STYK1: variants seen among roughly 807,000 people sequenced by gnomAD.
STYK1 encodes the protein tyrosine-protein kinase STYK1.
In STYK1, 46 loss-of-function variants were observed where a neutral mutation model predicts 48.1. That is an observed-to-expected ratio of 0.96 (90% confidence interval 0.75 to 1.22). The LOEUF (loss-of-function observed/expected upper bound fraction) is 1.22. Ranked by LOEUF, STYK1 falls within the 50% of genes most tolerant of loss-of-function variation. The probability of loss-of-function intolerance (pLI) is 0.00; values close to 1 mark genes in which losing one functional copy is unlikely to be tolerated. For missense variants in STYK1, 527 were observed against 521.1 expected, an observed-to-expected ratio of 1.01 and a Z score of -0.11; for synonymous variants, 188 against 189.0, an observed-to-expected ratio of 0.99 and a Z score of 0.04.
intron 1 of STYK1, among the ~76,000 whole-genome samples, chr12:10,655,014 T>C (rs112910208): frequency 1.8e-4 from 27 of 152,346 alleles, no homozygotes; most frequent in African/African-American, 6.3e-4. Context: ...CTTTTATCCC[T>C]TCCCTTTCCT....
chr12:10,619,611 TCTC>T lies in STYK1; in HGVS notation c.*530_*532del, dbSNP rs1482874549. ...AACTCAGAGGTTTTTCCGTTATAGT[TCTC>T]CTCCAACCCCACATGTAGGGCTCAG... On this transcript the variant is annotated 3_prime_UTR_variant, in exon 11 of 11. Transcript: ENST00000075503. 12 of 162,014 alleles carry T rather than the reference TCTC, an allele frequency of 7.4e-5. No homozygotes were observed. Among genetic ancestry groups the T allele is most frequent in the Non-Finnish European group, 1.3e-5 (1 of 74,954 alleles). The allele number at this position is 162,014 out of a possible 1,614,324, so 10.0% of individuals were successfully genotyped here. A position where few individuals can be genotyped will look rare whatever the true frequency, so the allele number is the denominator to read the frequency against.
At chr12:10,632,208 A>T (rs1046413104) in intron 4 of STYK1, among the ~76,000 whole-genome samples, 2 of 151,490 alleles carry the variant, frequency 1.3e-5, no homozygotes, top group African/African-American at 4.8e-5. Flanking sequence ...CTTTAAAAAA[A>T]AAACAAAAAA....
intron 1 of STYK1, among the ~76,000 whole-genome samples, chr12:10,671,829 G>C (rs1947894447): frequency 6.6e-6 from 1 of 152,202 alleles, no homozygotes; most frequent in African/African-American, 2.4e-5. Context: ...GTGGGAAATA[G>C]TTTCTGCCAG....
At chr12:10,622,032 A>G (rs1028987921) in intron 9 of STYK1, 60 bp from the exon 10 acceptor site, 3 of 1,458,026 alleles carry the variant, frequency 2.1e-6, no homozygotes, top group Non-Finnish European at 2.9e-6. Context: ...TGTAACTAAC[A>G]CTATTCTTCA....
At chr12:10,662,465 A>G (rs1018253531) in intron 1 of STYK1, among the ~76,000 whole-genome samples, 17 of 152,232 alleles carry the variant, frequency 1.1e-4, no homozygotes, top group African/African-American at 3.6e-4. Context: ...GCATCACTTT[A>G]TACTCCCACC....
chr12:10,663,647 G>GTGATTCCTCCAACTT (rs1565574837), intron 1 of STYK1, among the ~76,000 whole-genome samples: 2 of 131,394 alleles, frequency 1.5e-5, no homozygotes, highest in Non-Finnish European at 3.2e-5. Context: ...ATCATTAAGT[G>GTGATTCCTCCAACTT]TGATTCCTCC....
At chr12:10,638,575 C>A (rs1462279379) in intron 1 of STYK1, among the ~76,000 whole-genome samples, 2 of 152,236 alleles carry the variant, frequency 1.3e-5, no homozygotes, top group Non-Finnish European at 2.9e-5. Context: ...TAGTGTCACA[C>A]TGCATTTAGG....
chr12:10,670,994 G>GTT (rs1402579622), intron 1 of STYK1, among the ~76,000 whole-genome samples: 1 of 84,824 alleles, frequency 1.2e-5, no homozygotes, highest in African/African-American at 4.5e-5. Flanking sequence ...TGAATATATT[G>GTT]ATTTTTTTTT....
chr12:10,640,837 G>A (rs1414124009), intron 1 of STYK1: 1 of 152,152 alleles, frequency 6.6e-6, no homozygotes, highest in Non-Finnish European at 1.5e-5. Flanking sequence ...TGCAAGACAG[G>A]CCCCATAACA....
At chr12:10,653,567 C>T (rs554794948) in intron 1 of STYK1, among the ~76,000 whole-genome samples, 4 of 152,236 alleles carry the variant, frequency 2.6e-5, no homozygotes, top group Middle Eastern at 3.4e-3. Context: ...TTTTCTCTAT[C>T]ATTTTAAGCA....
chr12:10,644,924 G>A (rs1304663854), intron 1 of STYK1, among the ~76,000 whole-genome samples: 2 of 151,984 alleles, frequency 1.3e-5, no homozygotes. Context: ...GTGAATAAGA[G>A]AGAAAGAGGA....
intron 10 of STYK1, among the ~76,000 whole-genome samples, chr12:10,621,225 T>C (rs539959879): frequency 1.3e-5 from 2 of 152,278 alleles, no homozygotes; most frequent in African/African-American, 4.8e-5. Flanking sequence ...TTGAACTTCA[T>C]TGGTAATAAC....
At chr12:10,668,948 T>C (rs1222799345) in intron 1 of STYK1, among the ~76,000 whole-genome samples, 2 of 152,152 alleles carry the variant, frequency 1.3e-5, no homozygotes, top group African/African-American at 4.8e-5. Context: ...TCAGAAAGCA[T>C]GTTGGAGAAC....
chr12:10,661,181 C>T (rs989527529), intron 1 of STYK1, among the ~76,000 whole-genome samples: 4 of 152,124 alleles, frequency 2.6e-5, no homozygotes, highest in Non-Finnish European at 2.9e-5. Flanking sequence ...CATGAGTTTA[C>T]GATCAAAATT....
intron 4 of STYK1, among the ~76,000 whole-genome samples, chr12:10,631,732 T>C (rs1947431682): frequency 6.6e-6 from 1 of 152,210 alleles, no homozygotes; most frequent in Non-Finnish European, 1.5e-5. Flanking sequence ...AAGGTATGGA[T>C]AATTAATCAG....
chr12:10,639,509 G>A (rs1415555032), intron 1 of STYK1, among the ~76,000 whole-genome samples: 1 of 151,930 alleles, frequency 6.6e-6, no homozygotes, highest in African/African-American at 2.4e-5. Flanking sequence ...CCGTCTCCCA[G>A]GTTCCAGCAA....
chr12:10,632,087 T>C (rs1947435460), intron 4 of STYK1, among the ~76,000 whole-genome samples: 1 of 151,854 alleles, frequency 6.6e-6, no homozygotes, highest in African/African-American at 2.4e-5. Context: ...TGTGATGCCA[T>C]GAGCCTATAA....
At chr12:10,639,621 C>T (rs12315090) in intron 1 of STYK1, among the ~76,000 whole-genome samples, 6,499 of 152,070 alleles carry the variant, frequency 0.043, 452 homozygotes, top group African/African-American at 0.15. Flanking sequence ...ATCATGTTGG[C>T]CAGGCTGGTC....
chr12:10,622,346 A>G lies in STYK1; in HGVS notation c.967+292T>C, dbSNP rs566936200. Among the ~76,000 whole-genome samples the G allele has an allele frequency of 3.9e-5, 6 of 152,346 alleles. No homozygotes were observed. The South Asian group carries it at 1.2e-3, about 32-fold the overall frequency. On this transcript the variant is annotated intron_variant, in intron 9 of 10. Coordinates refer to ENST00000075503, the MANE Select transcript of STYK1 (RefSeq NM_018423.3). ...ATGTTTATGCAAGACCACTCTGGGAATTATCCTTGGGATTTGAAAACATCC... is the reference window on the plus strand; with the variant it reads ...ATGTTTATGCAAGACCACTCTGGGAGTTATCCTTGGGATTTGAAAACATCC...
Sources: allele counts gnomAD v4.1 joint callset (sites outside exome capture counted in the v4.1 genomes callset), GRCh38; gene constraint gnomAD v4.1.1; transcripts MANE v1.5; gene names NCBI Gene and HGNC (gene_info 2026-07-23, HGNC 2026-07-21).